The following THRB variants were observed in gnomAD, a reference collection of about 807,000 sequenced individuals.
THRB encodes nuclear receptor subfamily 1 group A member 2.
A neutral mutation model predicts 47.8 loss-of-function variants in THRB; 12 were observed. The observed-to-expected ratio is 0.25, with a 90% CI of 0.16 to 0.41. The LOEUF (loss-of-function observed/expected upper bound fraction) is 0.41. THRB is among the 10% of genes least tolerant of loss of function. The pLI is 1.00. For missense variants in THRB, 348 were observed against 589.2 expected (o/e 0.59, Z 4.24); for synonymous variants, 218 against 212.2 (o/e 1.03, Z -0.24).
chr3:24,277,257 G>A (rs558878447), intron 3 of THRB, among the ~76,000 whole-genome samples: 1 of 152,124 alleles, frequency 6.6e-6, no homozygotes, highest in African/African-American at 2.4e-5. Flanking sequence ...TGAGGAGCGG[G>A]TGCCACGGGC....
Position 24,134,557 on chromosome 3 carries a change from C to T in THRB, c.739-1095G>A, listed in dbSNP as rs552579627. Among the ~76,000 whole-genome samples the T allele has an allele frequency of 2.6e-4, 39 of 152,260 alleles. No homozygotes were observed. In the Middle Eastern group the frequency reaches 0.017, roughly 66 times the overall value. ...GAGCAAGCTGCTGAGGCCAGGCCTG[C>T]GATCTGGGTGGCCCTGACTCCACAC... On this transcript the variant is annotated intron_variant, in intron 8 of 10. Coordinates refer to ENST00000646209, the MANE Select transcript of THRB (RefSeq NM_001354712.2).
At chr3:24,362,528 C>T (rs1221586054) in intron 1 of THRB, among the ~76,000 whole-genome samples, 1 of 152,090 alleles carries the variant, frequency 6.6e-6, no homozygotes, top group Non-Finnish European at 1.5e-5. Context: ...CACTTATCAC[C>T]TTCTAATATC....
chr3:24,212,427 C>T (rs928014748), intron 4 of THRB, among the ~76,000 whole-genome samples: 4 of 147,186 alleles, frequency 2.7e-5, no homozygotes, highest in East Asian at 2.0e-4. Flanking sequence ...AAAAACGAAA[C>T]GAAAATTAGC....
chr3:24,296,205 T>G (rs2056435341), intron 3 of THRB, among the ~76,000 whole-genome samples: 1 of 152,208 alleles, frequency 6.6e-6, no homozygotes, highest in Admixed American at 6.5e-5. Flanking sequence ...ATTAACCCAC[T>G]TCTTGAAATG....
intron 1 of THRB, among the ~76,000 whole-genome samples, chr3:24,396,490 CCAACTCTTG>C (rs558545236): frequency 6.6e-6 from 1 of 152,126 alleles, no homozygotes; most frequent in Non-Finnish European, 1.5e-5. Context: ...GGTGTTGCCT[CCAACTCTTG>C]CCAGTTTTCA....
intron 1 of THRB, among the ~76,000 whole-genome samples, chr3:24,402,501 T>TTC (rs202073293): frequency 0.03 from 4,399 of 148,504 alleles, 91 homozygotes; most frequent in Non-Finnish European, 0.046. Flanking sequence ...CTTTCTTCCT[T>TTC]TTTTTTTTTT....
chr3:24,287,551 A>G (rs1397609762), intron 3 of THRB, among the ~76,000 whole-genome samples: 1 of 152,204 alleles, frequency 6.6e-6, no homozygotes. Context: ...GGATTCTGAT[A>G]TCCTGAAAAA....
intron 3 of THRB, among the ~76,000 whole-genome samples, chr3:24,233,567 GAAAGAAAGAAAGAAAGAAAGA>G (rs2048494821): frequency 7.4e-6 from 1 of 135,622 alleles, no homozygotes; most frequent in African/African-American, 2.8e-5. Flanking sequence ...AAGGAAGAAA[GAAAGAAAGAAAGAAAGAAAGA>G]AAGAAAGAAA....
At chr3:24,307,472 G>A (rs1327316392) in intron 2 of THRB, among the ~76,000 whole-genome samples, 1 of 151,424 alleles carries the variant, frequency 6.6e-6, no homozygotes, top group Non-Finnish European at 1.5e-5. Flanking sequence ...ATTTTCCCAC[G>A]CTATAACCTC....
chr3:24,215,494 T>G (rs2046464789), intron 4 of THRB, among the ~76,000 whole-genome samples: 1 of 152,210 alleles, frequency 6.6e-6, no homozygotes, highest in African/African-American at 2.4e-5. Context: ...ATCCTACCCC[T>G]GTCTAGAGAT....
At chr3:24,348,185 C>A (rs2063142290) in intron 1 of THRB, among the ~76,000 whole-genome samples, 1 of 152,098 alleles carries the variant, frequency 6.6e-6, no homozygotes, top group South Asian at 2.1e-4. Context: ...TTAATATTAG[C>A]TATCAATGTA....
At chr3:24,490,932 T>C (rs553812841) in intron 1 of THRB, among the ~76,000 whole-genome samples, 18 of 152,170 alleles carry the variant, frequency 1.2e-4, no homozygotes, top group Non-Finnish European at 2.5e-4. Flanking sequence ...ATTCCAGAGT[T>C]GGTAACAAGA....
chr3:24,218,379 A>T (rs1411524600), intron 4 of THRB, among the ~76,000 whole-genome samples: 5 of 120,788 alleles, frequency 4.1e-5, no homozygotes, highest in Admixed American at 2.7e-4. Context: ...AAAAGTCCTT[A>T]GCTGTACGGA....
At chr3:24,362,074 A>T (rs1279118585) in intron 1 of THRB, among the ~76,000 whole-genome samples, 1 of 152,168 alleles carries the variant, frequency 6.6e-6, no homozygotes, top group Non-Finnish European at 1.5e-5. Flanking sequence ...GCACTGTGCT[A>T]AACACCTTAC....
In THRB at chr3:24,297,273, A is replaced by G. The variant is rs1356572222; in HGVS notation, c.-90T>C. The G allele has an allele frequency of 6.6e-6, 1 of 152,230 alleles. No homozygotes were observed. The highest frequency in any genetic ancestry group is 1.5e-5 in the Non-Finnish European group (1 of 68,036). 9.4% of individuals were successfully genotyped at this position (152,230 alleles called of 1,614,324 possible). A position where few individuals can be genotyped will look rare whatever the true frequency, so the allele number is the denominator to read the frequency against. ...TAACCTCTTTGAATAACAGGCTTTC[A>G]GTCTTCAAGACGTTTGTTTTTCTGC... On this transcript the variant is annotated 5_prime_UTR_variant, in exon 3 of 11. The change abolishes the stop of an existing upstream ORF in the 5' untranslated region. Transcript: ENST00000646209.
intron 10 of THRB, among the ~76,000 whole-genome samples, chr3:24,125,784 G>A (rs986231747): frequency 6.6e-6 from 1 of 152,118 alleles, no homozygotes; most frequent in African/African-American, 2.4e-5. Flanking sequence ...CAGCAAGAGG[G>A]AATCTTAGAT....
At position 24,401,722 on chromosome 3, in the gene THRB, G is replaced by A. The variant is rs116131571; in HGVS notation, c.-260-64351C>T. 7.6e-3 allele frequency among the ~76,000 whole-genome samples: 1,160 copies of A among 152,056 alleles called. 17 individuals carry two copies. Among genetic ancestry groups the A allele is most frequent in the African/African-American group, 0.026 (1,097 of 41,508 alleles). On this transcript the variant is annotated intron_variant, in intron 1 of 10. Transcript: ENST00000646209. ...GCTCTCCACAGTGAGTCTGATTTGC[G>A]CTACTTCAGTGTGGTCCCTGGACCA...
At chr3:24,403,166 A>G (rs1047422517) in intron 1 of THRB, among the ~76,000 whole-genome samples, 2 of 152,042 alleles carry the variant, frequency 1.3e-5, no homozygotes, top group African/African-American at 4.8e-5. Flanking sequence ...AAAAGCATAC[A>G]TACAGAATGG....
intron 1 of THRB, among the ~76,000 whole-genome samples, chr3:24,360,379 T>A (rs924470852): frequency 4.6e-5 from 7 of 152,154 alleles, no homozygotes; most frequent in African/African-American, 1.7e-4. Flanking sequence ...CCTAGGAGCT[T>A]GTTAGAAATG....
Sources: allele counts gnomAD v4.1 joint callset (sites outside exome capture counted in the v4.1 genomes callset), GRCh38; gene constraint gnomAD v4.1.1; transcripts MANE v1.5; gene names NCBI Gene and HGNC (gene_info 2026-07-23, HGNC 2026-07-21).